Variants in ABCG2 observed in about 807,000 individuals in gnomAD.
ABCG2 encodes the protein broad substrate specificity ATP-binding cassette transporter ABCG2.
In ABCG2, 80 loss-of-function variants were observed where a neutral mutation model predicts 73.5. The observed-to-expected ratio is 1.09, with a 90% CI of 0.91 to 1.31. The LOEUF is 1.31. ABCG2 is among the 50% of genes most tolerant of loss of function. ABCG2 has a pLI of 0.00. For missense variants in ABCG2, 796 were observed against 786.2 expected (o/e 1.01, Z -0.15); for synonymous variants, 269 against 282.4 (o/e 0.95, Z 0.48).
chr4:88,128,826 T>C (rs1018853593), intron 5 of ABCG2, among the ~76,000 whole-genome samples: 10 of 152,036 alleles, frequency 6.6e-5, no homozygotes, highest in African/African-American at 2.4e-4. Context: ...ATGTAGATGA[T>C]GGGTTGAAGG....
intron 9 of ABCG2, among the ~76,000 whole-genome samples, chr4:88,111,426 A>G (rs1274850658): frequency 1.3e-5 from 2 of 152,184 alleles, no homozygotes. Flanking sequence ...AGAAATTAGC[A>G]ATATGGTTCA....
intron 11 of ABCG2, among the ~76,000 whole-genome samples, chr4:88,099,804 C>A (rs1028893247): frequency 1.6e-4 from 24 of 152,170 alleles, no homozygotes; most frequent in African/African-American, 5.6e-4. Context: ...TGAAGAACAG[C>A]ACTTCAGTAG....
In ABCG2 at chr4:88,142,322, A is replaced by C. The variant is rs192825866; in HGVS notation, c.-19-2308T>G. Among the ~76,000 whole-genome samples, 295 of 152,296 alleles carry C rather than the reference A, an allele frequency of 1.9e-3. 2 individuals are homozygous for C. The highest frequency in any genetic ancestry group is 6.8e-3 in the African/African-American group (282 of 41,572). Reference sequence around the variant, plus strand: ...TGAAGAAACTCTAGGAACACCAAAGAGGATGAATACAAAAAAAGACAAATC... The same window carrying C: ...TGAAGAAACTCTAGGAACACCAAAGCGGATGAATACAAAAAAAGACAAATC... On this transcript the variant is annotated intron_variant, in intron 1 of 15. Coordinates refer to ENST00000237612, the MANE Select transcript of ABCG2 (RefSeq NM_004827.3).
intron 1 of ABCG2, among the ~76,000 whole-genome samples, chr4:88,173,143 A>G (rs535291127): frequency 6.6e-6 from 1 of 152,326 alleles, no homozygotes; most frequent in African/African-American, 2.4e-5. Flanking sequence ...ATTGGTCATC[A>G]TATTCACTTT....
chr4:88,145,526 G>A (rs1230819504), intron 1 of ABCG2, among the ~76,000 whole-genome samples: 2 of 152,054 alleles, frequency 1.3e-5, no homozygotes, highest in African/African-American at 2.4e-5. Flanking sequence ...TGGAGAACGC[G>A]GCCTAATTCC....
intron 5 of ABCG2, among the ~76,000 whole-genome samples, chr4:88,128,469 A>C (rs914352447): frequency 6.6e-6 from 1 of 152,230 alleles, no homozygotes; most frequent in Admixed American, 6.5e-5. Context: ...AGACACATGC[A>C]CACATGTATT....
chr4:88,215,795 G>A (rs928341524), intron 1 of ABCG2, among the ~76,000 whole-genome samples: 2 of 152,202 alleles, frequency 1.3e-5, no homozygotes, highest in Admixed American at 6.5e-5. Context: ...TGCTTCCTAA[G>A]ATGCTGCTTG....
chr4:88,101,559 T>C (rs1025999621), intron 10 of ABCG2, among the ~76,000 whole-genome samples: 2 of 152,016 alleles, frequency 1.3e-5, no homozygotes, highest in African/African-American at 4.8e-5. Context: ...ATGAATTGCG[T>C]CTCCCCCCAC....
chr4:88,136,744 G>C (rs753903634), intron 2 of ABCG2, among the ~76,000 whole-genome samples: 1 of 151,364 alleles, frequency 6.6e-6, no homozygotes. Context: ...GGCTGGGCAC[G>C]GTGGCTTATG....
chr4:88,097,412 A>AG, intron 13 of ABCG2, 41 bp downstream of exon 13: 1 of 1,597,984 alleles, frequency 6.3e-7, no homozygotes, highest in Non-Finnish European at 8.5e-7. Context: ...AATGAAGGAA[A>AG]AAAACAATTC....
chr4:88,169,458 A>C (rs1242780234), intron 1 of ABCG2, among the ~76,000 whole-genome samples: 1 of 152,144 alleles, frequency 6.6e-6, no homozygotes, highest in Admixed American at 6.6e-5. Context: ...TGAGGATTCC[A>C]CTTTATGAGT....
At chr4:88,176,562 C>T (rs1039995141) in intron 1 of ABCG2, among the ~76,000 whole-genome samples, 5 of 149,184 alleles carry the variant, frequency 3.4e-5, no homozygotes, top group African/African-American at 5.0e-5. Context: ...CACACTACAG[C>T]CCCAACCTCC....
At position 88,132,600 on chromosome 4, in the gene ABCG2, C is replaced by A; in HGVS notation, c.239G>T (p.Gly80Val). 6.2e-7 allele frequency: 1 copy of A among 1,614,144 alleles called. No individual in the cohort carries two copies. The highest frequency in any genetic ancestry group is 1.1e-5 in the South Asian group (1 of 91,082). Residue 80 changes from glycine (G) to valine (V), a missense_variant, in exon 3 of 16, where the codon GGA (glycine) becomes GTA (valine). Gly to Val is a moderately radical substitution (Grantham distance 109). Transcript: ENST00000237612. ...CGAAGATTTGCCTCCACCTGTGGGTCCCAGGATGGCGTTGAGACCAGGTTT... is the reference window on the plus strand; with the variant it reads ...CGAAGATTTGCCTCCACCTGTGGGTACCAGGATGGCGTTGAGACCAGGTTT... ...IMKPGLNAIL[G>V]PTGGGKSSLL... is the part of the protein sequence containing the mutation.
chr4:88,132,300 T>C (rs1176093742), intron 3 of ABCG2, among the ~76,000 whole-genome samples: 1 of 152,116 alleles, frequency 6.6e-6, no homozygotes, highest in Non-Finnish European at 1.5e-5. Flanking sequence ...CTACTTTTAA[T>C]ATTCTCCCAT....
At chr4:88,224,141 G>A (rs899166348) in intron 1 of ABCG2, among the ~76,000 whole-genome samples, 3 of 152,158 alleles carry the variant, frequency 2.0e-5, no homozygotes, top group African/African-American at 7.2e-5. Context: ...TCTGTGGGTT[G>A]TCTTTTAACT....
intron 1 of ABCG2, among the ~76,000 whole-genome samples, chr4:88,208,153 CA>C (rs758005016): frequency 2.0e-5 from 3 of 152,096 alleles, no homozygotes; most frequent in African/African-American, 4.8e-5. Context: ...TTAAAACATC[CA>C]GTTCTTTAGA....
chr4:88,115,284 A>ATATATATATATATATATATATATT (rs58774529), intron 7 of ABCG2, among the ~76,000 whole-genome samples: 1 of 73,148 alleles, frequency 1.4e-5, no homozygotes, highest in South Asian at 6.1e-4. Context: ...ATATATATAT[A>ATATATATATATATATATATATATT]ATTTATTTAT....
At chr4:88,100,970 G>A (rs1285261368) in intron 11 of ABCG2, among the ~76,000 whole-genome samples, 1 of 152,064 alleles carries the variant, frequency 6.6e-6, no homozygotes, top group Non-Finnish European at 1.5e-5. Context: ...TGGATATCAG[G>A]TCCCAAAGGC....
chr4:88,096,736 G>A (rs1471798251), intron 13 of ABCG2, among the ~76,000 whole-genome samples: 2 of 151,310 alleles, frequency 1.3e-5, no homozygotes, highest in Non-Finnish European at 2.9e-5. Flanking sequence ...GTAAGATTAG[G>A]ATTAAGTAAC....
Sources: allele counts gnomAD v4.1 joint callset (sites outside exome capture counted in the v4.1 genomes callset), GRCh38; gene constraint gnomAD v4.1.1; transcripts MANE v1.5; gene names NCBI Gene and HGNC (gene_info 2026-07-23, HGNC 2026-07-21).